The following PPM1L variants were observed in gnomAD, a reference collection of about 807,000 sequenced individuals.
PPM1L encodes the protein protein phosphatase, Mg2+/Mn2+ dependent 1L, also known as protein phosphatase 1L.
PPM1L carries 13 observed loss-of-function variants against 31.4 expected under a neutral mutation model. That is an observed-to-expected ratio of 0.41 (90% confidence interval 0.27 to 0.66). The LOEUF (loss-of-function observed/expected upper bound fraction) is 0.66. Among genes scored for constraint, PPM1L ranks in the 30% least tolerant of loss-of-function variants. The probability of loss-of-function intolerance (pLI) is 0.29; values close to 1 mark genes in which losing one functional copy is unlikely to be tolerated. For missense variants in PPM1L, 326 were observed against 453.7 expected, an observed-to-expected ratio of 0.72 and a Z score of 2.56; for synonymous variants, 184 against 175.4, an observed-to-expected ratio of 1.05 and a Z score of -0.39.
At chr3:161,019,638 A>G (rs1718185586) in intron 2 of PPM1L, among the ~76,000 whole-genome samples, 2 of 152,202 alleles carry the variant, frequency 1.3e-5, no homozygotes, top group African/African-American at 4.8e-5. Flanking sequence ...AGAGTTTTGT[A>G]TATAGAACAA....
chr3:160,962,679 A>G (rs1432199809), intron 2 of PPM1L, among the ~76,000 whole-genome samples: 1 of 152,020 alleles, frequency 6.6e-6, no homozygotes, highest in African/African-American at 2.4e-5. Context: ...AATGCCAAGA[A>G]CTTCTGCTTC....
intron 1 of PPM1L, among the ~76,000 whole-genome samples, chr3:160,847,481 G>T (rs1264242163): frequency 1.3e-5 from 2 of 152,150 alleles, no homozygotes; most frequent in Non-Finnish European, 2.9e-5. Context: ...TGAAAGGAAT[G>T]CAAGACTTCA....
At chr3:160,980,941 A>G (rs1716777256) in intron 2 of PPM1L, among the ~76,000 whole-genome samples, 1 of 152,152 alleles carries the variant, frequency 6.6e-6, no homozygotes, top group African/African-American at 2.4e-5. Context: ...GATGTGGTGT[A>G]CAGGGGTATT....
At chr3:161,001,900 A>T (rs893757764) in intron 2 of PPM1L, among the ~76,000 whole-genome samples, 1 of 152,110 alleles carries the variant, frequency 6.6e-6, no homozygotes, top group Non-Finnish European at 1.5e-5. Context: ...GGTTAGTTAC[A>T]TATGTATACA....
chr3:160,860,794 G>T (rs1332060430), intron 1 of PPM1L, among the ~76,000 whole-genome samples: 1 of 152,132 alleles, frequency 6.6e-6, no homozygotes, highest in East Asian at 1.9e-4. Flanking sequence ...TTCCTACTTT[G>T]CAGGTGGCTG....
At chr3:160,938,612 G>A (rs1715058903) in intron 1 of PPM1L, among the ~76,000 whole-genome samples, 1 of 152,114 alleles carries the variant, frequency 6.6e-6, no homozygotes. Flanking sequence ...GTTTGGTAGA[G>A]GGAAATAAAT....
intron 1 of PPM1L, among the ~76,000 whole-genome samples, chr3:160,786,576 T>G (rs1258194710): frequency 6.7e-6 from 1 of 149,862 alleles, no homozygotes; most frequent in Non-Finnish European, 1.5e-5. Flanking sequence ...TAAAAGCCAT[T>G]TGGGTTTTTT....
chr3:161,065,769 A>T (rs1719720605), intron 3 of PPM1L, among the ~76,000 whole-genome samples: 1 of 152,164 alleles, frequency 6.6e-6, no homozygotes, highest in African/African-American at 2.4e-5. Context: ...TTCCAAAAGA[A>T]CTAAAAAGCC....
At chr3:160,871,763 T>C (rs889093597) in intron 1 of PPM1L, among the ~76,000 whole-genome samples, 1 of 150,378 alleles carries the variant, frequency 6.6e-6, no homozygotes, top group Non-Finnish European at 1.5e-5. Context: ...TCTCCTTCCT[T>C]TTTTTTTTCT....
chr3:160,825,754 T>G (rs1043738224), intron 1 of PPM1L, among the ~76,000 whole-genome samples: 4 of 152,172 alleles, frequency 2.6e-5, no homozygotes, highest in Non-Finnish European at 4.4e-5. Flanking sequence ...CAGTGGTATT[T>G]GTAGTAATTT....
chr3:160,960,559 TGTG>T (rs1715928716), intron 1 of PPM1L, among the ~76,000 whole-genome samples: 1 of 8,786 alleles, frequency 1.1e-4, no homozygotes, highest in African/African-American at 1.2e-4. Context: ...TTAGCAGTTT[TGTG>T]TGTGTGTGTG....
At chr3:161,039,527 A>G (rs144689170) in intron 2 of PPM1L, among the ~76,000 whole-genome samples, 252 of 151,838 alleles carry the variant, frequency 1.7e-3, no homozygotes, top group African/African-American at 5.9e-3. Flanking sequence ...TTTATTTTTT[A>G]TGTTTTATTT....
chr3:161,066,487 T>C (rs1282830083), intron 3 of PPM1L, among the ~76,000 whole-genome samples: 3 of 152,214 alleles, frequency 2.0e-5, no homozygotes, highest in Non-Finnish European at 4.4e-5. Context: ...GTTGCAGTTT[T>C]AAGTAGTGTG....
At chr3:160,809,954 G>A (rs1481354197) in intron 1 of PPM1L, among the ~76,000 whole-genome samples, 1 of 152,056 alleles carries the variant, frequency 6.6e-6, no homozygotes, top group Non-Finnish European at 1.5e-5. Context: ...TAAAAAGAGG[G>A]TACTGTTTCT....
At chr3:160,972,788 A>G (rs2108118020) in intron 2 of PPM1L, among the ~76,000 whole-genome samples, 2 of 152,110 alleles carry the variant, frequency 1.3e-5, no homozygotes, top group African/African-American at 4.8e-5. Context: ...GACTTCCACA[A>G]TGGTTGAACT....
intron 2 of PPM1L, chr3:161,022,297 G>A: frequency 2.1e-6 from 1 of 481,916 alleles, no homozygotes. Flanking sequence ...TCTCTGTGCT[G>A]TTGTCAACCA....
chr3:160,862,669 C>T (rs1711939767), intron 1 of PPM1L, among the ~76,000 whole-genome samples: 1 of 139,450 alleles, frequency 7.2e-6, no homozygotes, highest in South Asian at 2.3e-4. Context: ...CACGCACACA[C>T]ACACACACAC....
At chr3:160,831,782 T>C (rs1423503679) in intron 1 of PPM1L, among the ~76,000 whole-genome samples, 1 of 152,198 alleles carries the variant, frequency 6.6e-6, no homozygotes, top group African/African-American at 2.4e-5. Flanking sequence ...ACCTGTGTTA[T>C]CTTAAGGAAT....
chr3:160,938,036 G>C (rs867777575), intron 1 of PPM1L, among the ~76,000 whole-genome samples: 3 of 152,282 alleles, frequency 2.0e-5, no homozygotes, highest in Admixed American at 6.5e-5. Flanking sequence ...GTCCATACAA[G>C]TATTTTTCCT....
Sources: gnomAD v4.1 joint callset for allele counts (sites outside exome capture counted in the v4.1 genomes callset) on GRCh38, gnomAD v4.1.1 for gene constraint, MANE v1.5 for transcripts, NCBI Gene and HGNC (gene_info 2026-07-23, HGNC 2026-07-21) for gene names.